The following USP13 variants were observed in gnomAD, a reference collection of about 807,000 sequenced individuals.
USP13 encodes the protein ubiquitin specific peptidase 13, also known as ubiquitin carboxyl-terminal hydrolase 13.
USP13 carries 68 observed loss-of-function variants against 107.8 expected under a neutral mutation model. The observed-to-expected ratio is 0.63, with a 90% CI of 0.52 to 0.77. The LOEUF is 0.77. Ranked by LOEUF, USP13 falls within the 30% of genes least tolerant of loss-of-function variation. USP13 has a pLI of 0.00. For synonymous variants in USP13, 377 were observed against 389.5 expected, an observed-to-expected ratio of 0.97 and a Z score of 0.38; for missense variants, 945 against 1,093.3, an observed-to-expected ratio of 0.86 and a Z score of 1.91.
intron 19 of USP13, among the ~76,000 whole-genome samples, chr3:179,774,513 G>T (rs1003930290): frequency 6.6e-6 from 1 of 152,042 alleles, no homozygotes; most frequent in Non-Finnish European, 1.5e-5. Flanking sequence ...AAGGCAGCAC[G>T]TCTGGAGTTG....
intron 2 of USP13, among the ~76,000 whole-genome samples, chr3:179,685,647 A>AG (rs1553789023): frequency 6.6e-5 from 10 of 151,230 alleles, no homozygotes; most frequent in African/African-American, 2.2e-4. Context: ...AAAAAAAAAA[A>AG]GAAAGAAACA....
chr3:179,716,623 C>G (rs1318500289), intron 6 of USP13, among the ~76,000 whole-genome samples: 1 of 152,188 alleles, frequency 6.6e-6, no homozygotes, highest in Non-Finnish European at 1.5e-5. Context: ...CGTCCAATAG[C>G]ATCGTTTTAA....
intron 1 of USP13, among the ~76,000 whole-genome samples, chr3:179,670,573 C>T (rs1044863701): frequency 9.8e-5 from 15 of 152,298 alleles, no homozygotes; most frequent in African/African-American, 3.4e-4. Context: ...TGAGGTTACA[C>T]GCCGTATCAC....
rs1432134025 is a variant in USP13 at position 179,761,113 on chromosome 3, A to C, written c.1950A>C (p.Pro650=). 6.2e-7 allele frequency: 1 copy of C among 1,614,070 alleles called. No homozygotes were observed. Among genetic ancestry groups the C allele is most frequent in the Admixed American group, 1.7e-5 (1 of 60,002 alleles). ...KDRLMNQLID[P]SDIDESSVMQ... ...AGAATATCCTGTTGTGCTCTGTAGC[A>C]TCAGACATCGATGAGTCATCAGTGA... Residue 650 remains proline (P), a splice_region_variant and synonymous_variant, in exon 17 of 21, where the codon CCA becomes CCC. Coordinates refer to ENST00000263966, the MANE Select transcript of USP13 (RefSeq NM_003940.3).
chr3:179,704,714 A>G (rs1712653064), intron 4 of USP13, among the ~76,000 whole-genome samples: 1 of 152,214 alleles, frequency 6.6e-6, no homozygotes, highest in South Asian at 2.1e-4. Context: ...AGTTTTCAAA[A>G]TGGAAAGAAA....
At chr3:179,657,843 G>T (rs536650988) in intron 1 of USP13, among the ~76,000 whole-genome samples, 2 of 151,522 alleles carry the variant, frequency 1.3e-5, no homozygotes, top group Non-Finnish European at 2.9e-5. Flanking sequence ...GTCAGGGGTT[G>T]TGTAGGAAGT....
intron 10 of USP13, among the ~76,000 whole-genome samples, chr3:179,735,071 G>A (rs1375258445): frequency 2.0e-5 from 3 of 152,228 alleles, no homozygotes; most frequent in Non-Finnish European, 4.4e-5. Context: ...GATGGAGAAA[G>A]TAAGTACAGT....
intron 9 of USP13, 90 bp downstream of exon 9, chr3:179,730,350 C>A: frequency 2.3e-6 from 3 of 1,279,080 alleles, no homozygotes; most frequent in Admixed American, 2.2e-5. Context: ...AAATTAAAGG[C>A]AATTCTTCAT....
chr3:179,678,598 G>C lies in USP13; in HGVS notation c.169-3280G>C, dbSNP rs1175128644. ...CCCTCCCACCTCAGCCTCCTAAGTA[G>C]CTGGGACAAAAGGCTGGCTAATTTT... is the stretch of plus-strand genomic sequence containing the variant. On this transcript the variant is annotated intron_variant, in intron 1 of 20. Transcript: ENST00000263966. The surrounding 1 kb of genome is among the most constrained non-coding windows in gnomAD (Gnocchi z 4.2). 6.6e-6 allele frequency among the ~76,000 whole-genome samples: 1 copy of C among 151,892 alleles called. No homozygotes were observed. The highest frequency in any genetic ancestry group is 2.4e-5 in the African/African-American group (1 of 41,326).
intron 1 of USP13, among the ~76,000 whole-genome samples, chr3:179,672,756 G>T (rs914717949): frequency 1.3e-5 from 2 of 152,194 alleles, no homozygotes; most frequent in East Asian, 1.9e-4. Flanking sequence ...GGCTGGAGAA[G>T]TTGTCAAGGG....
chr3:179,666,874 A>T (rs1720602920), intron 1 of USP13, among the ~76,000 whole-genome samples: 1 of 152,204 alleles, frequency 6.6e-6, no homozygotes, highest in African/African-American at 2.4e-5. Flanking sequence ...GCAGGGGGCT[A>T]GACTGGCCTG....
At chr3:179,741,136 C>T (rs962369186) in intron 11 of USP13, among the ~76,000 whole-genome samples, 6 of 151,478 alleles carry the variant, frequency 4.0e-5, no homozygotes, top group African/African-American at 9.7e-5. Context: ...ATAGAAAACA[C>T]AAAGGAGAAC....
intron 19 of USP13, 94 bp from the exon 20 acceptor site, chr3:179,781,645 C>A: frequency 9.6e-7 from 1 of 1,041,254 alleles, no homozygotes; most frequent in South Asian, 1.5e-5. Context: ...TAAACAGTTG[C>A]TGGATTATAC....
In USP13 at chr3:179,787,761, C is replaced by T. The variant is rs1258492212; in HGVS notation, c.*3620C>T. ...GGATTACTGGCGCACGCCACTACGCCCAGCTAATTTTTGTATTTTTAGTAG... is the reference window on the plus strand; with the variant it reads ...GGATTACTGGCGCACGCCACTACGCTCAGCTAATTTTTGTATTTTTAGTAG... On this transcript the variant is annotated 3_prime_UTR_variant, in exon 21 of 21. Coordinates refer to ENST00000263966, the MANE Select transcript of USP13 (RefSeq NM_003940.3). 2 of 152,290 alleles carry T rather than the reference C, an allele frequency of 1.3e-5. No individual in the cohort carries two copies. The allele number at this position is 152,290 out of a possible 1,614,324, so 9.4% of individuals were successfully genotyped here.
chr3:179,738,815 G>A (rs1714082701), intron 10 of USP13, among the ~76,000 whole-genome samples: 1 of 152,188 alleles, frequency 6.6e-6, no homozygotes, highest in African/African-American at 2.4e-5. Context: ...AAGCATTAGT[G>A]TCAGCATCTA....
chr3:179,667,029 C>G (rs781551709), intron 1 of USP13, among the ~76,000 whole-genome samples: 8 of 152,212 alleles, frequency 5.3e-5, no homozygotes, highest in Non-Finnish European at 1.2e-4. Flanking sequence ...GCTGCCCATT[C>G]AACATATCTT....
chr3:179,710,637 TC>T (rs1395063834), intron 6 of USP13, among the ~76,000 whole-genome samples: 1 of 152,230 alleles, frequency 6.6e-6, no homozygotes, highest in East Asian at 1.9e-4. Context: ...TTAAATACAG[TC>T]CTGTGTCACT....
intron 19 of USP13, among the ~76,000 whole-genome samples, chr3:179,772,513 C>T (rs1206106536): frequency 6.6e-6 from 1 of 152,118 alleles, no homozygotes; most frequent in Non-Finnish European, 1.5e-5. Flanking sequence ...GTGCTGAGCT[C>T]CCTGAGGAAT....
chr3:179,741,554 A>G lies in USP13; in HGVS notation c.1381-643A>G, dbSNP rs1404106136. Among the ~76,000 whole-genome samples, 3 of 151,686 alleles carry G rather than the reference A, an allele frequency of 2.0e-5. No individual in the cohort carries two copies. The East Asian group carries it at 5.8e-4, about 29-fold the overall frequency. ...GTATTTTTAGTAGAGACGGGGTTTC[A>G]CCATGTTGGCCAGGCTGGTCTCGAA... On this transcript the variant is annotated intron_variant, in intron 11 of 20. Coordinates refer to ENST00000263966, the MANE Select transcript of USP13 (RefSeq NM_003940.3).
Sources: allele counts gnomAD v4.1 joint callset (sites outside exome capture counted in the v4.1 genomes callset), GRCh38; gene constraint gnomAD v4.1.1; non-coding constraint Gnocchi (gnomAD v3.1); transcripts MANE v1.5; gene names NCBI Gene and HGNC (gene_info 2026-07-23, HGNC 2026-07-21).